Variants in MACROD2 observed in about 807,000 individuals in gnomAD.
The protein encoded by MACROD2 is ADP-ribose glycohydrolase MACROD2.
A neutral mutation model predicts 70.4 loss-of-function variants in MACROD2; 36 were observed. The ratio of observed to expected loss-of-function variants is 0.51; its 90% CI spans 0.39 to 0.68. The LOEUF (loss-of-function observed/expected upper bound fraction) is 0.68, where lower values mean the gene tolerates loss of function less well. Among genes scored for constraint, MACROD2 ranks in the 30% least tolerant of loss-of-function variants. The pLI, the probability that MACROD2 is intolerant of heterozygous loss-of-function variation, is 0.00. For synonymous variants in MACROD2, 172 were observed against 178.8 expected (o/e 0.96, Z 0.30); for missense variants, 496 against 538.4 (o/e 0.92, Z 0.78).
At chr20:14,709,127 G>A (rs1478418177) in intron 5 of MACROD2, among the ~76,000 whole-genome samples, 8 of 152,136 alleles carry the variant, frequency 5.3e-5, no homozygotes, top group Admixed American at 3.9e-4. Context: ...AAAAGTAGAT[G>A]CCTGTTTCAA....
intron 4 of MACROD2, chr20:14,493,797 G>GTGTGCATAGTTACAGAGTAACTA: frequency 4.5e-6 from 1 of 223,928 alleles, no homozygotes; most frequent in Non-Finnish European, 9.0e-6. Flanking sequence ...TAATACATGT[G>GTGTGCATAGTTACAGAGTAACTA]TGTGCATAGT....
intron 8 of MACROD2, among the ~76,000 whole-genome samples, chr20:15,790,630 C>G (rs77524812): frequency 4.0e-5 from 6 of 151,608 alleles, no homozygotes; most frequent in Non-Finnish European, 8.9e-5. Flanking sequence ...GTAGAAAAAC[C>G]AAAGGAGGAG....
At chr20:14,340,251 G>T (rs1159733642) in intron 3 of MACROD2, among the ~76,000 whole-genome samples, 1 of 152,174 alleles carries the variant, frequency 6.6e-6, no homozygotes, top group African/African-American at 2.4e-5. Context: ...GACCTGGGTA[G>T]TTTAAGAACA....
At chr20:14,020,440 T>G (rs939091130) in intron 2 of MACROD2, among the ~76,000 whole-genome samples, 2 of 152,158 alleles carry the variant, frequency 1.3e-5, no homozygotes, top group East Asian at 3.9e-4. Flanking sequence ...ACCCTTGCAC[T>G]CCAGCCTGGG....
chr20:14,016,027 A>C lies in MACROD2; in HGVS notation c.163+13623A>C, dbSNP rs118051698. 2.8e-4 allele frequency among the ~76,000 whole-genome samples: 43 copies of C among 152,326 alleles called. No individual in the cohort carries two copies. In the East Asian group the frequency reaches 7.7e-3, roughly 27 times the overall value. On this transcript the variant is annotated intron_variant, in intron 2 of 17. Coordinates refer to ENST00000684519, the MANE Select transcript of MACROD2 (RefSeq NM_001351661.2). ...CTAGATCACATGGTAATTCTACTTA[A>C]CTTTTTGAGGAGACACAAAACTTTT... is the stretch of plus-strand genomic sequence containing the variant.
At chr20:14,304,992 G>A (rs979968934) in intron 3 of MACROD2, among the ~76,000 whole-genome samples, 1 of 151,986 alleles carries the variant, frequency 6.6e-6, no homozygotes, top group Non-Finnish European at 1.5e-5. Context: ...AGAATCAATG[G>A]GGACTTTAAA....
rs189207692 is a variant in MACROD2, at chr20:16,034,378, A to G, written c.1154-6823A>G. Among the ~76,000 whole-genome samples, 379 of 152,146 alleles carry G rather than the reference A, an allele frequency of 2.5e-3. 2 individuals carry two copies. The highest frequency in any genetic ancestry group is 8.4e-3 in the African/African-American group (347 of 41,536). ...TTGATCTCCTTTCACTTAGTTGCACATGCATTCTAGACCTAGACAGTGAAC... is the reference window on the plus strand; with the variant it reads ...TTGATCTCCTTTCACTTAGTTGCACGTGCATTCTAGACCTAGACAGTGAAC... On this transcript the variant is annotated intron_variant, in intron 15 of 17. Transcript: ENST00000684519.
intron 8 of MACROD2, among the ~76,000 whole-genome samples, chr20:15,732,797 C>T (rs991263430): frequency 2.0e-5 from 3 of 148,106 alleles, no homozygotes; most frequent in South Asian, 2.1e-4. Context: ...TAGGATAATT[C>T]CTGCCTCATG....
chr20:15,872,173 A>G (rs1298775164), intron 9 of MACROD2, among the ~76,000 whole-genome samples: 1 of 152,306 alleles, frequency 6.6e-6, no homozygotes, highest in African/African-American at 2.4e-5. Flanking sequence ...AGAGCTCCTG[A>G]AAAGCTAGAG....
intron 6 of MACROD2, among the ~76,000 whole-genome samples, chr20:15,279,334 G>A (rs2077422681): frequency 6.6e-6 from 1 of 152,064 alleles, no homozygotes; most frequent in Non-Finnish European, 1.5e-5. Flanking sequence ...GGATTTGCAG[G>A]AAAGCCGGGC....
intron 5 of MACROD2, among the ~76,000 whole-genome samples, chr20:14,755,630 GT>G (rs2071930951): frequency 6.6e-6 from 1 of 152,022 alleles, no homozygotes; most frequent in Non-Finnish European, 1.5e-5. Flanking sequence ...TTAGTAGAAG[GT>G]GTGTCAAATG....
At chr20:14,466,182 A>T (rs2084445586) in intron 3 of MACROD2, among the ~76,000 whole-genome samples, 2 of 152,098 alleles carry the variant, frequency 1.3e-5, no homozygotes, top group Non-Finnish European at 1.5e-5. Context: ...AATTGGACGT[A>T]GATTTGGTCT....
intron 5 of MACROD2, among the ~76,000 whole-genome samples, chr20:15,208,050 T>A (rs1259758322): frequency 2.6e-5 from 4 of 151,674 alleles, no homozygotes; most frequent in Admixed American, 2.6e-4. Context: ...TGATTTTAGA[T>A]CTTTTGTAAT....
At chr20:14,598,782 T>C (rs993393054) in intron 4 of MACROD2, among the ~76,000 whole-genome samples, 5 of 152,202 alleles carry the variant, frequency 3.3e-5, no homozygotes, top group African/African-American at 4.8e-5. Flanking sequence ...CCTTTTGCCC[T>C]GCAATTTCAC....
At chr20:15,370,397 T>A (rs563366397) in intron 6 of MACROD2, among the ~76,000 whole-genome samples, 2 of 152,188 alleles carry the variant, frequency 1.3e-5, no homozygotes, top group East Asian at 3.9e-4. Context: ...CACATTGATG[T>A]TTAATTTAAA....
At chr20:15,177,678 G>A (rs1002032472) in intron 5 of MACROD2, among the ~76,000 whole-genome samples, 1 of 152,138 alleles carries the variant, frequency 6.6e-6, no homozygotes, top group Admixed American at 6.5e-5. Context: ...GTAAATAAAT[G>A]CACCTGTACA....
chr20:14,624,907 A>G (rs1352697075), intron 4 of MACROD2, among the ~76,000 whole-genome samples: 1 of 152,204 alleles, frequency 6.6e-6, no homozygotes, highest in African/African-American at 2.4e-5. Context: ...AATTATAGCA[A>G]TGAGAGGAAA....
Position 14,617,342 on chromosome 20 carries a change from G to A in MACROD2, c.302-67501G>A, listed in dbSNP as rs574683732. 3.9e-5 allele frequency among the ~76,000 whole-genome samples: 6 copies of A among 152,184 alleles called. No individual in the cohort carries two copies. The East Asian group carries it at 7.7e-4, about 20-fold the overall frequency. ...GGTTAATGTTTATAGGAAACCTCTT[G>A]GAGTAATGACTCACTGTGATACTTC... On this transcript the variant is annotated intron_variant, in intron 4 of 17. Transcript: ENST00000684519.
intron 8 of MACROD2, among the ~76,000 whole-genome samples, chr20:15,690,370 G>A (rs1362560327): frequency 6.6e-6 from 1 of 152,174 alleles, no homozygotes; most frequent in African/African-American, 2.4e-5. Context: ...GATGCACTGT[G>A]GTGGTGTGAT....
Sources: gnomAD v4.1 joint callset for allele counts (sites outside exome capture counted in the v4.1 genomes callset) on GRCh38, gnomAD v4.1.1 for gene constraint, MANE v1.5 for transcripts, NCBI Gene and HGNC (gene_info 2026-07-23, HGNC 2026-07-21) for gene names.